EIF4G3: variants seen among roughly 807,000 people sequenced by gnomAD.
EIF4G3 encodes the protein eIF-4-gamma 3.
Under a neutral mutation model 186.4 loss-of-function variants are expected in EIF4G3, and 34 were observed. The ratio of observed to expected loss-of-function variants is 0.18; its 90% CI spans 0.14 to 0.24. The LOEUF is 0.24. Ranked by LOEUF, EIF4G3 falls within the 10% of genes least tolerant of loss-of-function variation. The probability of loss-of-function intolerance (pLI) is 1.00; values close to 1 mark genes in which losing one functional copy is unlikely to be tolerated. For synonymous variants in EIF4G3, 673 were observed against 679.5 expected (o/e 0.99, Z 0.15); for missense variants, 1,536 against 1,948.5 (o/e 0.79, Z 3.99).
intron 33 of EIF4G3, among the ~76,000 whole-genome samples, chr1:20,823,673 C>CCTTTT (rs570600333): frequency 6.6e-6 from 1 of 152,100 alleles, no homozygotes. Context: ...CTGCACCCAA[C>CCTTTT]CTTTTCTTTT....
At chr1:20,946,829 T>C (rs545489099) in intron 13 of EIF4G3, among the ~76,000 whole-genome samples, 2 of 152,144 alleles carry the variant, frequency 1.3e-5, no homozygotes, top group African/African-American at 4.8e-5. Context: ...GGGAGGCTTA[T>C]GGAAACAGAA....
At chr1:21,129,040 C>T (rs72973145) in intron 2 of EIF4G3, among the ~76,000 whole-genome samples, 490 of 152,220 alleles carry the variant, frequency 3.2e-3, no homozygotes, top group Middle Eastern at 6.8e-3. Context: ...TCTGGCCGGG[C>T]GGGGTAGCTC....
chr1:20,903,432 C>CA (rs1402622613), intron 15 of EIF4G3, among the ~76,000 whole-genome samples: 2 of 151,916 alleles, frequency 1.3e-5, no homozygotes, highest in Non-Finnish European at 2.9e-5. Flanking sequence ...AGAAAAATAA[C>CA]AAAAAAACCA....
intron 3 of EIF4G3, among the ~76,000 whole-genome samples, chr1:21,087,303 T>C (rs2096018406): frequency 6.6e-6 from 1 of 152,208 alleles, no homozygotes. Flanking sequence ...TCTAATATTA[T>C]TAGCTTCATC....
Position 21,108,637 on chromosome 1 carries a change from C to G in EIF4G3, c.-271-19424G>C, listed in dbSNP as rs980687390. Among the ~76,000 whole-genome samples the G allele has an allele frequency of 3.9e-5, 6 of 152,032 alleles. 1 individual carries two copies. Among genetic ancestry groups the G allele is most frequent in the African/African-American group, 1.4e-4 (6 of 41,398 alleles). On this transcript the variant is annotated intron_variant, in intron 2 of 36. Coordinates refer to ENST00000602326, the MANE Select transcript of EIF4G3 (RefSeq NM_001391906.1). ...AACTACAAGAGGCCAGGTGTGGTGG[C>G]TGACACCTGTAATCCCAGCACTTCG...
intron 33 of EIF4G3, 148 bp from the exon 34 acceptor site, chr1:20,817,686 T>G (rs888979503): frequency 8.3e-6 from 3 of 362,484 alleles, no homozygotes; most frequent in East Asian, 5.8e-5. Context: ...TTGTAGTTTT[T>G]TTTTTTTTTT....
At chr1:20,967,321 A>T (rs2074912561) in intron 12 of EIF4G3, among the ~76,000 whole-genome samples, 1 of 152,250 alleles carries the variant, frequency 6.6e-6, no homozygotes, top group African/African-American at 2.4e-5. Flanking sequence ...TATGTTTGAA[A>T]ATACAGACTA....
At chr1:21,026,601 C>T (rs1489883027) in intron 4 of EIF4G3, among the ~76,000 whole-genome samples, 1 of 151,252 alleles carries the variant, frequency 6.6e-6, no homozygotes, top group East Asian at 1.9e-4. Context: ...CCAAGAGAGT[C>T]AAGAGGCAAC....
At chr1:21,044,285 G>T (rs1423796781) in intron 4 of EIF4G3, among the ~76,000 whole-genome samples, 2 of 152,018 alleles carry the variant, frequency 1.3e-5, no homozygotes, top group Non-Finnish European at 2.9e-5. Context: ...ACATGACTTT[G>T]CAAATGTCAT....
intron 2 of EIF4G3, among the ~76,000 whole-genome samples, chr1:21,168,208 A>G (rs2097892382): frequency 6.6e-6 from 1 of 152,106 alleles, no homozygotes; most frequent in Non-Finnish European, 1.5e-5. Context: ...GTTTGAGACC[A>G]GCCTGGCCAA....
intron 3 of EIF4G3, among the ~76,000 whole-genome samples, chr1:21,079,784 T>C (rs921255621): frequency 6.6e-6 from 1 of 151,578 alleles, no homozygotes; most frequent in Admixed American, 6.6e-5. Context: ...GGCGGGAGAA[T>C]TGCTTGAGCC....
chr1:20,827,506 A>G (rs1272612036), intron 32 of EIF4G3, 111 bp downstream of exon 32: 1 of 496,402 alleles, frequency 2.0e-6, no homozygotes, highest in Non-Finnish European at 3.5e-6. Context: ...CAGAGACCTC[A>G]TTCTTAATTA....
At chr1:21,028,186 GAAAGA>G (rs2092371752) in intron 4 of EIF4G3, among the ~76,000 whole-genome samples, 1 of 152,160 alleles carries the variant, frequency 6.6e-6, no homozygotes, top group Non-Finnish European at 1.5e-5. Flanking sequence ...TTTACAAGAT[GAAAGA>G]AAAGAGTTAT....
intron 2 of EIF4G3, among the ~76,000 whole-genome samples, chr1:21,140,020 T>C (rs1484607354): frequency 2.0e-5 from 3 of 152,218 alleles, no homozygotes; most frequent in African/African-American, 7.2e-5. Flanking sequence ...AATGAAAATA[T>C]TAACTAACTT....
intron 7 of EIF4G3, among the ~76,000 whole-genome samples, chr1:20,987,299 G>C (rs2079796108): frequency 6.6e-6 from 1 of 152,160 alleles, no homozygotes; most frequent in Non-Finnish European, 1.5e-5. Context: ...TTCATTTTCA[G>C]CAACTAGAAA....
chr1:20,945,515 G>A (rs372125675), intron 13 of EIF4G3, among the ~76,000 whole-genome samples: 1 of 152,152 alleles, frequency 6.6e-6, no homozygotes, highest in Non-Finnish European at 1.5e-5. Context: ...GCCTAGGCTG[G>A]AGTGCACTGG....
intron 20 of EIF4G3, among the ~76,000 whole-genome samples, chr1:20,871,827 CTG>C (rs1329021990): frequency 6.6e-6 from 1 of 151,932 alleles, no homozygotes; most frequent in African/African-American, 2.4e-5. Flanking sequence ...TTTCTTTTCT[CTG>C]TCTTTTTTTT....
chr1:20,883,989 C>A (rs2083279293), intron 19 of EIF4G3, among the ~76,000 whole-genome samples: 1 of 152,062 alleles, frequency 6.6e-6, no homozygotes, highest in South Asian at 2.1e-4. Context: ...CAGACATGTC[C>A]TGAGGCAATG....
intron 19 of EIF4G3, among the ~76,000 whole-genome samples, chr1:20,885,530 C>A (rs2083850651): frequency 6.6e-6 from 1 of 152,162 alleles, no homozygotes; most frequent in Non-Finnish European, 1.5e-5. Flanking sequence ...TCTGTGATGC[C>A]TGGCTCTGGT....
Sources: gnomAD v4.1 joint callset for allele counts (sites outside exome capture counted in the v4.1 genomes callset) on GRCh38, gnomAD v4.1.1 for gene constraint, MANE v1.5 for transcripts, NCBI Gene and HGNC (gene_info 2026-07-23, HGNC 2026-07-21) for gene names.